The following SLC38A7 variants were observed in gnomAD, a reference collection of about 807,000 sequenced individuals.
SLC38A7 encodes the protein sodium-coupled neutral amino acid transporter 7.
A neutral mutation model predicts 50.1 loss-of-function variants in SLC38A7; 29 were observed. The observed-to-expected ratio is 0.58, with a 90% confidence interval of 0.43 to 0.79. The LOEUF (loss-of-function observed/expected upper bound fraction) is 0.79. SLC38A7 is among the 30% of genes least tolerant of loss of function. SLC38A7 has a pLI of 0.00. For missense variants in SLC38A7, 483 were observed against 610.6 expected (o/e 0.79, Z 2.20); for synonymous variants, 244 against 245.9 (o/e 0.99, Z 0.07).
At chr16:58,671,316 A>G in intron 9 of SLC38A7, 72 bp from the exon 10 acceptor site, 1 of 1,507,682 alleles carries the variant, frequency 6.6e-7, no homozygotes, top group Non-Finnish European at 9.1e-7. Context: ...CACAGGAGCC[A>G]GACCCCTAAC....
At chr16:58,673,647 A>G (rs1440850952) in intron 8 of SLC38A7, among the ~76,000 whole-genome samples, 7 of 145,764 alleles carry the variant, frequency 4.8e-5, no homozygotes, top group Admixed American at 3.4e-4. Context: ...CACAGGCGTG[A>G]GCCCCAGTGC....
At chr16:58,668,519 A>G (rs776886738) in intron 11 of SLC38A7, among the ~76,000 whole-genome samples, 1 of 151,404 alleles carries the variant, frequency 6.6e-6, no homozygotes, top group Non-Finnish European at 1.5e-5. Flanking sequence ...CCTGGGTGAC[A>G]GAGCGAGATT....
At chr16:58,669,723 C>A (rs1039467109) in intron 11 of SLC38A7, among the ~76,000 whole-genome samples, 3 of 117,172 alleles carry the variant, frequency 2.6e-5, no homozygotes, top group Non-Finnish European at 5.4e-5. Flanking sequence ...GCCTGTAATG[C>A]CAGCACTTTG....
chr16:58,684,072 G>A lies in SLC38A7; in HGVS notation c.-233C>T, dbSNP rs1305597106. The A allele has an allele frequency of 6.6e-6, 1 of 152,304 alleles. No individual in the cohort carries two copies. Among genetic ancestry groups the A allele is most frequent in the Non-Finnish European group, 1.5e-5 (1 of 68,124 alleles). 9.4% of individuals were successfully genotyped at this position (152,304 alleles called of 1,614,324 possible). ...CCAATTTCTTCTTTCTCAAGACTTT[G>A]CCTAAAATTTGCTGTCAGCAGAGGG... On this transcript the variant is annotated 5_prime_UTR_variant, in exon 2 of 12. Coordinates refer to ENST00000219320, the MANE Select transcript of SLC38A7 (RefSeq NM_018231.3).
At chr16:58,672,983 G>A (rs1012670099) in intron 8 of SLC38A7, among the ~76,000 whole-genome samples, 3 of 151,284 alleles carry the variant, frequency 2.0e-5, no homozygotes, top group East Asian at 1.9e-4. Flanking sequence ...GCTGGCACGC[G>A]GTGGCACGAT....
intron 6 of SLC38A7, 57 bp from the exon 7 acceptor site, chr16:58,676,403 C>T: frequency 6.3e-7 from 1 of 1,588,970 alleles, no homozygotes; most frequent in Non-Finnish European, 8.6e-7. Context: ...CCACAACCCA[C>T]CCCACGCCCT....
intron 3 of SLC38A7, chr16:58,679,607 A>G: frequency 1.8e-6 from 1 of 551,748 alleles, no homozygotes; most frequent in South Asian, 2.6e-5. Flanking sequence ...ACATACCACA[A>G]AATCAATGTT....
chr16:58,679,425 T>A (rs1346527991), intron 3 of SLC38A7, among the ~76,000 whole-genome samples: 1 of 152,132 alleles, frequency 6.6e-6, no homozygotes, highest in Admixed American at 6.6e-5. Flanking sequence ...TAAAAAGAAC[T>A]GGCATGTATC....
At position 58,678,699 on chromosome 16, in the gene SLC38A7, T is replaced by G; in HGVS notation, c.466A>C (p.Lys156Gln). 6.2e-7 allele frequency: 1 copy of G among 1,613,852 alleles called. No individual in the cohort carries two copies. The highest frequency in any genetic ancestry group is 8.5e-7 in the Non-Finnish European group (1 of 1,179,900). ...FLIIIGDQQDKIIAVMAKEPE... is the reference protein window; with the variant it reads ...FLIIIGDQQDQIIAVMAKEPE... Reference sequence around the variant, plus strand: ...AGGGACTGAGGGAGAAGCTCACTCTTGTCCTGCTGGTCGCCAATGATGATT... The same window carrying G: ...AGGGACTGAGGGAGAAGCTCACTCTGGTCCTGCTGGTCGCCAATGATGATT... The change falls in exon 4 of 12, where the codon AAG (lysine) becomes CAG (glutamine). Residue 156 changes from lysine to glutamine, a missense_variant. Coordinates refer to ENST00000219320, the MANE Select transcript of SLC38A7 (RefSeq NM_018231.3). This position sits in a 1 kb window ranked among gnomAD's most constrained non-coding sequence, Gnocchi z 4.0.
Position 58,678,044 on chromosome 16 carries a change from G to A in SLC38A7, c.611+289C>T, listed in dbSNP as rs554847303. 5.3e-5 allele frequency among the ~76,000 whole-genome samples: 8 copies of A among 152,168 alleles called. No individual in the cohort carries two copies. Among genetic ancestry groups the A allele is most frequent in the East Asian group, 1.9e-4 (1 of 5,168 alleles). On this transcript the variant is annotated intron_variant, in intron 5 of 11. Transcript: ENST00000219320. The surrounding 1 kb of genome is among the most constrained non-coding windows in gnomAD (Gnocchi z 4.0). ...GGAATGCCAGGAGGCTGCCTTCACC[G>A]CCCAGATACCACCTGTTCCTTCTTT...
intron 2 of SLC38A7, among the ~76,000 whole-genome samples, chr16:58,683,159 G>A (rs972955690): frequency 3.9e-5 from 6 of 152,258 alleles, no homozygotes; most frequent in East Asian, 3.9e-4. Context: ...GATTACAGGC[G>A]TGAGCCACAG....
rs1336852825 is a variant in SLC38A7, at chr16:58,678,744, C to G, written c.421G>C (p.Gly141Arg). Residue 141 changes from glycine to arginine, a missense_variant, in exon 4 of 12, where the codon GGC becomes CGC. Coordinates refer to ENST00000219320, the MANE Select transcript of SLC38A7 (RefSeq NM_018231.3). The surrounding 1 kb of genome is among the most constrained non-coding windows in gnomAD (Gnocchi z 4.0). ...CEVAIAVYTF[G>R]TCIAFLIIIG... Reference sequence around the variant, plus strand: ...ATGATTAGGAAGGCAATGCAGGTGCCAAAGGTGTAGACAGCGATGGCCACC... The same window carrying G: ...ATGATTAGGAAGGCAATGCAGGTGCGAAAGGTGTAGACAGCGATGGCCACC... 1.2e-6 allele frequency: 2 copies of G among 1,614,176 alleles called. No individual in the cohort carries two copies. The highest frequency in any genetic ancestry group is 1.7e-6 in the Non-Finnish European group (2 of 1,180,018).
chr16:58,683,648 G>C (rs1823958824), intron 2 of SLC38A7: 1 of 152,322 alleles, frequency 6.6e-6, no homozygotes, highest in Admixed American at 6.5e-5. Flanking sequence ...CACTGCCAGA[G>C]CTGTGACCAT....
In SLC38A7 at chr16:58,678,851, T is replaced by C. The variant is rs2044325721; in HGVS notation, c.314A>G (p.Tyr105Cys). ...CCTCTCATTGCTGGCCTGGGAGCAG[T>C]AGGCCAGGATGACAAGGCCACTGAT... The part of the protein sequence containing the change: ...FIISGLVILA[Y>C]CSQASNERTY... Residue 105 changes from tyrosine to cysteine, a missense_variant, in exon 4 of 12, where the codon TAC becomes TGC. Physicochemically the swap from Tyr to Cys is radical, Grantham distance 194. Transcript: ENST00000219320. The surrounding 1 kb of genome is among the most constrained non-coding windows in gnomAD (Gnocchi z 4.0). 1.2e-6 allele frequency: 2 copies of C among 1,614,044 alleles called. No homozygotes were observed. Among genetic ancestry groups the C allele is most frequent in the African/African-American group, 1.3e-5 (1 of 75,014 alleles).
At chr16:58,683,071 G>C (rs949212559) in intron 2 of SLC38A7, among the ~76,000 whole-genome samples, 9 of 151,430 alleles carry the variant, frequency 5.9e-5, no homozygotes, top group African/African-American at 2.2e-4. Context: ...AGATGAGGAG[G>C]TCTCACTATG....
At chr16:58,683,127 C>T (rs751711677) in intron 2 of SLC38A7, among the ~76,000 whole-genome samples, 1 of 152,160 alleles carries the variant, frequency 6.6e-6, no homozygotes, top group African/African-American at 2.4e-5. Flanking sequence ...AATCCTGCTG[C>T]CTCGGCCTCC....
chr16:58,670,050 C>T (rs978815972), intron 11 of SLC38A7, 63 bp downstream of exon 11: 7 of 1,505,900 alleles, frequency 4.6e-6, no homozygotes, highest in Non-Finnish European at 6.4e-6. Flanking sequence ...TTTAAGGCCC[C>T]CACAAAGCCA....
chr16:58,672,205 G>C lies in SLC38A7; in HGVS notation c.922C>G (p.Pro308Ala). ...GFLTFGAAVD[P>A]DVLLSYPSED... ...GAGGGATAGGACAGGAGCACGTCAGGATCCACAGCAGCTCCAAAGGTCAGG... is the reference window on the plus strand; with the variant it reads ...GAGGGATAGGACAGGAGCACGTCAGCATCCACAGCAGCTCCAAAGGTCAGG... Residue 308 changes from proline to alanine, a missense_variant, in exon 9 of 12, where the codon CCT becomes GCT. Coordinates refer to ENST00000219320, the MANE Select transcript of SLC38A7 (RefSeq NM_018231.3). 6.3e-7 allele frequency: 1 copy of C among 1,580,796 alleles called. No individual in the cohort carries two copies. Among genetic ancestry groups the C allele is most frequent in the Non-Finnish European group, 8.6e-7 (1 of 1,163,386 alleles).
In SLC38A7 at chr16:58,678,588, G is replaced by C. The variant is rs2044319296; in HGVS notation, c.469+108C>G. Reference sequence around the variant, plus strand: ...CTGGAGGGAGGATTCCCAGATGAATGCTGGGCCCAGGTAAGTCCTGGAGAG... The same window carrying C: ...CTGGAGGGAGGATTCCCAGATGAATCCTGGGCCCAGGTAAGTCCTGGAGAG... On this transcript the variant is annotated intron_variant, in intron 4 of 11. Transcript: ENST00000219320. This position sits in a 1 kb window ranked among gnomAD's most constrained non-coding sequence, Gnocchi z 4.0. The C allele has an allele frequency of 1.3e-6, 2 of 1,554,996 alleles. No individual in the cohort carries two copies. The highest frequency in any genetic ancestry group is 1.8e-6 in the Non-Finnish European group (2 of 1,140,004).
Sources: allele counts gnomAD v4.1 joint callset (sites outside exome capture counted in the v4.1 genomes callset), GRCh38; gene constraint gnomAD v4.1.1; non-coding constraint Gnocchi (gnomAD v3.1); transcripts MANE v1.5; gene names NCBI Gene and HGNC (gene_info 2026-07-23, HGNC 2026-07-21).